The following IGF2R variants were observed in gnomAD, a reference collection of about 807,000 sequenced individuals.
IGF2R encodes cation-independent mannose-6-phosphate receptor.
A neutral mutation model predicts 270.6 loss-of-function variants in IGF2R; 91 were observed. The observed-to-expected ratio is 0.34, with a 90% CI of 0.28 to 0.40. IGF2R has a LOEUF of 0.40. Ranked by LOEUF, IGF2R falls within the 10% of genes least tolerant of loss-of-function variation. The probability of loss-of-function intolerance (pLI) is 1.00; values close to 1 mark genes in which losing one functional copy is unlikely to be tolerated. For synonymous variants in IGF2R, 1,316 were observed against 1,258.9 expected, an observed-to-expected ratio of 1.05 and a Z score of -0.96; for missense variants, 2,805 against 3,188.3, an observed-to-expected ratio of 0.88 and a Z score of 2.90.
At chr6:160,016,061 G>A (rs2115212971) in intron 4 of IGF2R, among the ~76,000 whole-genome samples, 1 of 152,346 alleles carries the variant, frequency 6.6e-6, no homozygotes, top group South Asian at 2.1e-4. Context: ...CCCAGTCTCA[G>A]GTATTTATAG....
intron 4 of IGF2R, among the ~76,000 whole-genome samples, chr6:160,013,463 G>A (rs1054232772): frequency 6.6e-6 from 1 of 150,436 alleles, no homozygotes; most frequent in Non-Finnish European, 1.5e-5. Context: ...AATAGTTTTT[G>A]GGGTGGGAAT....
At chr6:160,077,119 T>A (rs190154074) in intron 36 of IGF2R, among the ~76,000 whole-genome samples, 1 of 152,276 alleles carries the variant, frequency 6.6e-6, no homozygotes, top group African/African-American at 2.4e-5. Flanking sequence ...TTGGGGCTAC[T>A]CCACAGGGGC....
chr6:159,988,512 C>CAAAA (rs59531292), intron 1 of IGF2R, among the ~76,000 whole-genome samples: 295 of 50,378 alleles, frequency 5.9e-3, no homozygotes, highest in East Asian at 0.01. Flanking sequence ...GACTCCGTCT[C>CAAAA]AAAAAAAAAA....
intron 7 of IGF2R, among the ~76,000 whole-genome samples, chr6:160,031,586 G>A (rs543522071): frequency 6.6e-6 from 1 of 152,180 alleles, no homozygotes; most frequent in African/African-American, 2.4e-5. Flanking sequence ...GTGGCTTTCT[G>A]TGCCTGGTTT....
rs1466975574 is a variant in IGF2R, at chr6:160,071,967, C to T, written c.4501C>T (p.Pro1501Ser). ...VEDCEYTFAW[P>S]TATACPMKSN... ...GGACTGTGAGTACACCTTTGCCTGG[C>T]CCACAGCCACAGCCTGTCCCATGAA... Residue 1501 changes from proline to serine, a missense_variant, in exon 32 of 48, where the codon CCC (proline) becomes TCC (serine). Coordinates refer to ENST00000356956, the MANE Select transcript of IGF2R (RefSeq NM_000876.4). 1.2e-6 allele frequency: 2 copies of T among 1,614,016 alleles called. No homozygotes were observed. The highest frequency in any genetic ancestry group is 1.3e-5 in the African/African-American group (1 of 74,916).
intron 4 of IGF2R, among the ~76,000 whole-genome samples, chr6:160,024,314 G>A (rs888089245): frequency 3.3e-5 from 5 of 152,196 alleles, no homozygotes; most frequent in African/African-American, 1.2e-4. Context: ...AAACGATCCA[G>A]TGGAGAGGGA....
At chr6:159,975,959 C>T (rs893206727) in intron 1 of IGF2R, among the ~76,000 whole-genome samples, 4 of 151,356 alleles carry the variant, frequency 2.6e-5, no homozygotes, top group Admixed American at 6.6e-5. Flanking sequence ...TTTTTTTGCT[C>T]TGCTGTTCTT....
At chr6:159,988,532 AAAAAG>A (rs1690198992) in intron 1 of IGF2R, among the ~76,000 whole-genome samples, 1 of 151,694 alleles carries the variant, frequency 6.6e-6, no homozygotes, top group African/African-American at 2.4e-5. Flanking sequence ...AAAAAAAAAA[AAAAAG>A]AAAAGCATAG....
At chr6:159,969,431 G>T in intron 1 of IGF2R, 36 bp downstream of exon 1, 1 of 1,192,640 alleles carries the variant, frequency 8.4e-7, no homozygotes, top group Non-Finnish European at 1.0e-6. Context: ...TCCGCTCGCG[G>T]TGCCCGGGGT....
intron 31 of IGF2R, among the ~76,000 whole-genome samples, chr6:160,071,366 T>C (rs1249698700): frequency 6.6e-6 from 1 of 151,472 alleles, no homozygotes; most frequent in Non-Finnish European, 1.5e-5. Flanking sequence ...GCAGGAATCA[T>C]GGGGTTTACC....
At chr6:160,061,195 T>C (rs987417864) in intron 23 of IGF2R, among the ~76,000 whole-genome samples, 5 of 151,872 alleles carry the variant, frequency 3.3e-5, no homozygotes, top group African/African-American at 1.2e-4. Flanking sequence ...CTTTAAAGAG[T>C]CTTTAGGGAC....
chr6:160,092,754 C>T (rs1032406555), intron 44 of IGF2R, among the ~76,000 whole-genome samples: 8 of 152,294 alleles, frequency 5.3e-5, no homozygotes, highest in South Asian at 4.1e-4. Flanking sequence ...CCTCCCGGAG[C>T]GGAGCCGCAC....
chr6:160,031,615 G>C (rs1025420781), intron 7 of IGF2R, among the ~76,000 whole-genome samples: 2 of 152,042 alleles, frequency 1.3e-5, no homozygotes, highest in African/African-American at 4.8e-5. Context: ...GAGCCCTGGG[G>C]TCTGCATCAC....
At chr6:159,971,573 C>T (rs1038739055) in intron 1 of IGF2R, among the ~76,000 whole-genome samples, 1 of 152,202 alleles carries the variant, frequency 6.6e-6, no homozygotes, top group African/African-American at 2.4e-5. Flanking sequence ...TGTAGTTGCA[C>T]ATGCAGACTT....
At chr6:160,039,221 A>G (rs1777889501) in intron 10 of IGF2R, among the ~76,000 whole-genome samples, 2 of 152,214 alleles carry the variant, frequency 1.3e-5, no homozygotes, top group Non-Finnish European at 2.9e-5. Flanking sequence ...CTGGGCTACA[A>G]GTGTGTATAG....
At chr6:160,042,754 A>G (rs1328739033) in intron 11 of IGF2R, among the ~76,000 whole-genome samples, 1 of 152,140 alleles carries the variant, frequency 6.6e-6, no homozygotes, top group African/African-American at 2.4e-5. Context: ...TGTATTAGCA[A>G]TGGTGTTAAG....
At chr6:160,093,595 G>A in intron 44 of IGF2R, 2 of 687,964 alleles carry the variant, frequency 2.9e-6, no homozygotes, top group South Asian at 3.0e-5. Context: ...ACCCAGTGGG[G>A]GACTGGATCA....
chr6:160,040,825 G>C, intron 11 of IGF2R, 101 bp downstream of exon 11: 1 of 1,229,080 alleles, frequency 8.1e-7, no homozygotes, highest in Non-Finnish European at 1.1e-6. Context: ...TTGTCAGTGG[G>C]TTGCGTCACA....
rs544005770 is a variant in IGF2R, at chr6:160,013,324, A to G, written c.513+2539A>G. ...CTAAGAATGGTTTTCACATTTTTAC[A>G]GGATTGTTACAAAACAAAGAGGAAT... On this transcript the variant is annotated intron_variant, in intron 4 of 47. Coordinates refer to ENST00000356956, the MANE Select transcript of IGF2R (RefSeq NM_000876.4). 3.3e-5 allele frequency among the ~76,000 whole-genome samples: 5 copies of G among 151,892 alleles called. No individual in the cohort carries two copies. The South Asian group carries it at 1.0e-3, about 32-fold the overall frequency.
Sources: gnomAD v4.1 joint callset for allele counts (sites outside exome capture counted in the v4.1 genomes callset) on GRCh38, gnomAD v4.1.1 for gene constraint, MANE v1.5 for transcripts, NCBI Gene and HGNC (gene_info 2026-07-23, HGNC 2026-07-21) for gene names.